MTA1: variants seen among roughly 807,000 people sequenced by gnomAD.
The protein encoded by MTA1 is metastasis-associated protein MTA1.
In MTA1, 15 loss-of-function variants were observed where a neutral mutation model predicts 97.0. The observed-to-expected ratio is 0.15, with a 90% CI of 0.10 to 0.24. MTA1 has a LOEUF of 0.24. Among genes scored for constraint, MTA1 ranks in the 10% least tolerant of loss-of-function variants. MTA1 has a pLI of 1.00. For missense variants in MTA1, 709 were observed against 1,015.1 expected (o/e 0.70, Z 4.10); for synonymous variants, 435 against 417.5 (o/e 1.04, Z -0.51).
intron 6 of MTA1, among the ~76,000 whole-genome samples, chr14:105,450,833 C>T (rs942710680): frequency 1.3e-5 from 2 of 152,226 alleles, no homozygotes; most frequent in Non-Finnish European, 2.9e-5. Context: ...TGTGTCCCGA[C>T]AATGCCATAC....
intron 19 of MTA1, 119 bp from the exon 20 acceptor site, chr14:105,469,722 G>T: frequency 7.1e-7 from 1 of 1,417,436 alleles, no homozygotes; most frequent in Admixed American, 2.1e-5. Flanking sequence ...CTGGGGGTCC[G>T]TGTAACTCAC....
intron 18 of MTA1, 42 bp from the exon 19 acceptor site, chr14:105,469,425 C>T (rs782660889): frequency 1.9e-5 from 30 of 1,609,392 alleles, no homozygotes; most frequent in Admixed American, 5.0e-5. Flanking sequence ...GTGCAGGACG[C>T]GCTCTCTCGG....
intron 10 of MTA1, among the ~76,000 whole-genome samples, chr14:105,461,886 T>G (rs1216392086): frequency 1.3e-5 from 2 of 152,190 alleles, no homozygotes; most frequent in Middle Eastern, 6.3e-3. Flanking sequence ...CCAAGGCGGA[T>G]ACGGATCTCT....
At chr14:105,423,769 C>A (rs1555421562) in intron 1 of MTA1, among the ~76,000 whole-genome samples, 1 of 152,228 alleles carries the variant, frequency 6.6e-6, no homozygotes, top group African/African-American at 2.4e-5. Flanking sequence ...TATTTTTATT[C>A]TAGTGTTTTT....
chr14:105,448,410 G>C (rs932017016), intron 3 of MTA1, among the ~76,000 whole-genome samples: 2 of 152,190 alleles, frequency 1.3e-5, no homozygotes, highest in South Asian at 4.1e-4. Context: ...TTTCGGAGCC[G>C]CTGTGGGCTC....
rs201343825 is a variant in MTA1 at position 105,470,134 on chromosome 14, C to A, written c.2067C>A (p.Ala689=). ...RAARRPYKPI[A]LRQSQALPPR... Reference sequence around the variant, plus strand: ...CCCGCCGGCCCTACAAGCCCATCGCCCTGCGCCAGAGCCAGGCCCTGCCGC... The same window carrying A: ...CCCGCCGGCCCTACAAGCCCATCGCACTGCGCCAGAGCCAGGCCCTGCCGC... Residue 689 remains alanine (A), a synonymous_variant, in exon 21 of 21, where the codon GCC becomes GCA. Transcript: ENST00000331320. 5.4e-5 allele frequency: 87 copies of A among 1,612,326 alleles called. No individual in the cohort carries two copies. In the East Asian group the frequency reaches 6.5e-4, roughly 12 times the overall value.
At chr14:105,466,222 A>C in intron 16 of MTA1, 1 of 597,418 alleles carries the variant, frequency 1.7e-6, no homozygotes. Flanking sequence ...TGGCCCGGGC[A>C]CACGCCTTGC....
intron 15 of MTA1, 34 bp downstream of exon 15, chr14:105,464,897 C>G (rs1444309552): frequency 3.3e-6 from 5 of 1,527,658 alleles, no homozygotes; most frequent in Non-Finnish European, 3.5e-6. Flanking sequence ...TACTCTGTTC[C>G]TGCGGGTGGT....
At chr14:105,428,913 T>TG (rs2082090081) in intron 1 of MTA1, among the ~76,000 whole-genome samples, 1 of 152,004 alleles carries the variant, frequency 6.6e-6, no homozygotes, top group Non-Finnish European at 1.5e-5. Context: ...TTTGTAGAGA[T>TG]GGGGTCTCAC....
intron 2 of MTA1, among the ~76,000 whole-genome samples, chr14:105,444,696 C>T (rs1399962746): frequency 6.7e-6 from 1 of 150,244 alleles, no homozygotes; most frequent in East Asian, 2.0e-4. Flanking sequence ...GAGGCTGAGG[C>T]AGGAGAATCA....
Position 105,466,447 on chromosome 14 carries a change from A to ACCCCCCC in MTA1, c.1646_1647insCCCCCCC (p.Lys549AsnfsTer5). The ACCCCCCC allele has an allele frequency of 2.4e-6, 2 of 830,420 alleles. No individual in the cohort carries two copies. The highest frequency in any genetic ancestry group is 3.6e-6 in the Non-Finnish European group (2 of 562,406). 51.4% of individuals were successfully genotyped at this position (830,420 alleles called of 1,614,324 possible). On this transcript the variant is annotated frameshift_variant, in exon 17 of 21. Transcript: ENST00000331320. LOFTEE classifies it high-confidence loss of function. The stretch of plus-strand genomic sequence containing the variant: ...GCAGAGACCCACCCCCGCCCCCCCA[A>ACCCCCCC]GCCTGACCCCGTGAAAAGCGTGTCC...
At chr14:105,445,034 G>A (rs1378600218) in intron 2 of MTA1, among the ~76,000 whole-genome samples, 2 of 152,218 alleles carry the variant, frequency 1.3e-5, no homozygotes, top group African/African-American at 4.8e-5. Context: ...CGTGGCTGCT[G>A]TGCAGGTCAC....
chr14:105,450,476 CTG>C, intron 6 of MTA1, 152 bp downstream of exon 6: 1 of 892,066 alleles, frequency 1.1e-6, no homozygotes, highest in South Asian at 1.8e-5. Context: ...TGCGTCCTGA[CTG>C]TCACTTCCAG....
chr14:105,447,694 T>C (rs1471998742), intron 3 of MTA1, among the ~76,000 whole-genome samples: 1 of 152,160 alleles, frequency 6.6e-6, no homozygotes, highest in Non-Finnish European at 1.5e-5. Flanking sequence ...GGCGTTCCTA[T>C]GAACTGAGAG....
intron 17 of MTA1, 42 bp downstream of exon 17, chr14:105,466,620 C>T (rs1555432945): frequency 3.8e-6 from 6 of 1,570,424 alleles, no homozygotes; most frequent in Admixed American, 1.8e-5. Flanking sequence ...CCTCCCCGCC[C>T]GGTGAGTCCG....
At chr14:105,439,458 C>T (rs1392606222) in intron 2 of MTA1, among the ~76,000 whole-genome samples, 2 of 152,196 alleles carry the variant, frequency 1.3e-5, no homozygotes, top group Non-Finnish European at 2.9e-5. Context: ...TCCACTGCCT[C>T]GGCACAGCCT....
chr14:105,458,399 G>C (rs1555430398), intron 8 of MTA1, 27 bp downstream of exon 8: 2 of 1,598,972 alleles, frequency 1.3e-6, no homozygotes, highest in East Asian at 2.2e-5. Context: ...GGCAAGGCCA[G>C]CAGGGGTGGT....
At chr14:105,469,652 C>T in intron 19 of MTA1, 154 bp downstream of exon 19, 1 of 1,204,412 alleles carries the variant, frequency 8.3e-7, no homozygotes, top group Non-Finnish European at 1.2e-6. Flanking sequence ...GGGGCCATGG[C>T]CCCTGTGCCA....
At chr14:105,460,558 T>C in intron 9 of MTA1, 101 bp downstream of exon 9, 1 of 1,292,872 alleles carries the variant, frequency 7.7e-7, no homozygotes, top group Non-Finnish European at 1.0e-6. Context: ...GCCCCAGGTA[T>C]TCAGGACCCC....
Sources: gnomAD v4.1 joint callset for allele counts (sites outside exome capture counted in the v4.1 genomes callset) on GRCh38, gnomAD v4.1.1 for gene constraint, MANE v1.5 for transcripts, NCBI Gene and HGNC (gene_info 2026-07-23, HGNC 2026-07-21) for gene names.